The following CSMD1 variants were observed in gnomAD, a reference collection of about 807,000 sequenced individuals.
The protein encoded by CSMD1 is CUB and Sushi multiple domains 1.
In CSMD1, 213 loss-of-function variants were observed where a neutral mutation model predicts 417.5. That is an observed-to-expected ratio of 0.51 (90% CI 0.46 to 0.57). The LOEUF is 0.57. Ranked by LOEUF, CSMD1 falls within the 20% of genes least tolerant of loss-of-function variation. The probability of loss-of-function intolerance (pLI) is 0.00; values close to 1 mark genes in which losing one functional copy is unlikely to be tolerated. For synonymous variants in CSMD1, 2,862 were observed against 1,736.8 expected (o/e 1.65, Z -16.11); for missense variants, 6,923 against 4,529.7 (o/e 1.53, Z -15.17).
chr8:4,432,133 T>G (rs1258784943), intron 2 of CSMD1, among the ~76,000 whole-genome samples: 1 of 152,224 alleles, frequency 6.6e-6, no homozygotes. Context: ...AAATAAATCC[T>G]TGCTAAAGCA....
intron 3 of CSMD1, among the ~76,000 whole-genome samples, chr8:4,062,009 G>C (rs2554708): frequency 0.94 from 142,802 of 152,200 alleles, 67,068 homozygotes; most frequent in East Asian, 0.99. Flanking sequence ...AGGTCAAGGT[G>C]TAGTGGGGAG....
At chr8:3,203,075 G>C (rs1274046179) in intron 31 of CSMD1, among the ~76,000 whole-genome samples, 1 of 152,122 alleles carries the variant, frequency 6.6e-6, no homozygotes, top group African/African-American at 2.4e-5. Flanking sequence ...ATCATCCACA[G>C]ATAATTTCTA....
chr8:4,360,700 A>G (rs925927841), intron 3 of CSMD1, among the ~76,000 whole-genome samples: 14 of 152,062 alleles, frequency 9.2e-5, no homozygotes, highest in Admixed American at 7.2e-4. Context: ...TCAACATCTT[A>G]GCCAGGATGG....
chr8:4,787,342 C>G (rs894691933), intron 1 of CSMD1: 4 of 732,666 alleles, frequency 5.5e-6, no homozygotes, highest in African/African-American at 5.2e-5. Context: ...ATGGCGACAG[C>G]TGAGGTACTG....
chr8:3,752,657 C>G (rs935873180), intron 6 of CSMD1, among the ~76,000 whole-genome samples: 2 of 142,116 alleles, frequency 1.4e-5, no homozygotes, highest in Non-Finnish European at 3.0e-5. Flanking sequence ...CTGTCCACTG[C>G]CACCCACTCC....
intron 12 of CSMD1, among the ~76,000 whole-genome samples, chr8:3,438,514 G>C (rs1229037339): frequency 6.6e-6 from 1 of 152,070 alleles, no homozygotes; most frequent in African/African-American, 2.4e-5. Context: ...TGACCTTCTG[G>C]GATTGACTTT....
intron 1 of CSMD1, among the ~76,000 whole-genome samples, chr8:4,959,643 A>C (rs1809346021): frequency 6.6e-6 from 1 of 152,112 alleles, no homozygotes; most frequent in Non-Finnish European, 1.5e-5. Flanking sequence ...TTCTATTCTA[A>C]TCTCTTCTCA....
chr8:3,014,037 T>C (rs972551603), intron 52 of CSMD1, among the ~76,000 whole-genome samples: 7 of 152,142 alleles, frequency 4.6e-5, no homozygotes, highest in African/African-American at 1.7e-4. Context: ...CTCATATACA[T>C]TGCAATTATT....
chr8:3,089,047 C>A (rs1205937413), intron 48 of CSMD1, among the ~76,000 whole-genome samples: 1 of 152,100 alleles, frequency 6.6e-6, no homozygotes, highest in Non-Finnish European at 1.5e-5. Context: ...TCTTTCCTAA[C>A]TCACTTAGGA....
chr8:3,889,452 C>T (rs11779278), intron 5 of CSMD1, among the ~76,000 whole-genome samples: 480 of 45,386 alleles, frequency 0.011, 4 homozygotes, highest in Non-Finnish European at 0.016. Context: ...CTGATCTTTC[C>T]ATATATATAT....
chr8:4,082,993 T>A (rs1800221961), intron 3 of CSMD1, among the ~76,000 whole-genome samples: 2 of 152,030 alleles, frequency 1.3e-5, no homozygotes, highest in African/African-American at 4.8e-5. Context: ...ATGTGCCACA[T>A]TTTCTTAATC....
chr8:4,969,309 C>G (rs1229464710), intron 1 of CSMD1, among the ~76,000 whole-genome samples: 1 of 151,844 alleles, frequency 6.6e-6, no homozygotes, highest in Admixed American at 6.6e-5. Context: ...TTTACATAGA[C>G]ATTATTAAAT....
intron 5 of CSMD1, among the ~76,000 whole-genome samples, chr8:3,901,543 G>C (rs571454994): frequency 6.6e-6 from 1 of 152,300 alleles, no homozygotes; most frequent in South Asian, 2.1e-4. Flanking sequence ...CCAACCTGCC[G>C]ATCACGTTTG....
chr8:3,968,591 T>C (rs969910674), intron 5 of CSMD1, among the ~76,000 whole-genome samples: 1 of 152,194 alleles, frequency 6.6e-6, no homozygotes, highest in Admixed American at 6.5e-5. Flanking sequence ...GTATTTCAGA[T>C]GGAATATTCG....
At chr8:4,243,173 A>G (rs547212618) in intron 3 of CSMD1, among the ~76,000 whole-genome samples, 1 of 152,096 alleles carries the variant, frequency 6.6e-6, no homozygotes, top group Non-Finnish European at 1.5e-5. Context: ...CTTGCATGGA[A>G]GCCTCTGCTC....
intron 5 of CSMD1, among the ~76,000 whole-genome samples, chr8:3,913,876 G>T (rs1808624123): frequency 6.6e-6 from 1 of 151,768 alleles, no homozygotes. Flanking sequence ...TATAATTTAT[G>T]ATTACCTCGA....
chr8:4,118,426 A>G (rs1172149666), intron 3 of CSMD1, among the ~76,000 whole-genome samples: 3 of 152,128 alleles, frequency 2.0e-5, no homozygotes, highest in East Asian at 3.9e-4. Flanking sequence ...CAAAAAGTAT[A>G]CAAAGGATAT....
At chr8:3,827,760 G>C (rs1802139420) in intron 5 of CSMD1, among the ~76,000 whole-genome samples, 1 of 152,176 alleles carries the variant, frequency 6.6e-6, no homozygotes, top group African/African-American at 2.4e-5. Flanking sequence ...ATAATGAATA[G>C]TTGATTGGGA....
At chr8:4,593,665 A>C (rs767659523) in intron 2 of CSMD1, among the ~76,000 whole-genome samples, 15 of 152,186 alleles carry the variant, frequency 9.9e-5, no homozygotes, top group Non-Finnish European at 1.0e-4. Flanking sequence ...ACCTTAGTTT[A>C]AAATTATTAG....
Sources: gnomAD v4.1 joint callset for allele counts (sites outside exome capture counted in the v4.1 genomes callset) on GRCh38, gnomAD v4.1.1 for gene constraint, MANE v1.5 for transcripts, NCBI Gene and HGNC (gene_info 2026-07-23, HGNC 2026-07-21) for gene names.